The following PALLD variants were observed in gnomAD, a reference collection of about 807,000 sequenced individuals.
The protein encoded by PALLD is palladin, cytoskeletal associated protein.
Under a neutral mutation model 123.5 loss-of-function variants are expected in PALLD, and 61 were observed. The ratio of observed to expected loss-of-function variants is 0.49; its 90% confidence interval spans 0.40 to 0.61. PALLD has a LOEUF of 0.61. PALLD is among the 20% of genes least tolerant of loss of function. PALLD has a pLI of 0.00. For synonymous variants in PALLD, 465 were observed against 496.4 expected (o/e 0.94, Z 0.84); for missense variants, 1,273 against 1,377.0 (o/e 0.92, Z 1.20).
chr4:168,828,519 A>G (rs142496166), intron 10 of PALLD, among the ~76,000 whole-genome samples: 2 of 152,332 alleles, frequency 1.3e-5, no homozygotes, highest in Middle Eastern at 3.4e-3. Flanking sequence ...TGATAAATAG[A>G]TAGATCTGTG....
At chr4:168,813,665 G>A (rs935028219) in intron 10 of PALLD, among the ~76,000 whole-genome samples, 2 of 152,120 alleles carry the variant, frequency 1.3e-5, no homozygotes, top group African/African-American at 4.8e-5. Flanking sequence ...TCACTGTGTT[G>A]CCCAGACTGG....
At position 168,538,558 on chromosome 4, in the gene PALLD, A is replaced by G. The variant is rs951264129; in HGVS notation, c.908+26146A>G. 7.9e-5 allele frequency among the ~76,000 whole-genome samples: 12 copies of G among 152,164 alleles called. 1 individual carries two copies. The highest frequency in any genetic ancestry group is 2.9e-4 in the African/African-American group (12 of 41,456). ...TTTCAAATGACCTTATGATTCAGTT[A>G]TTATACCTGCGCTCATTCTGTGACA... is the stretch of plus-strand genomic sequence containing the variant. On this transcript the variant is annotated intron_variant, in intron 2 of 21. Transcript: ENST00000505667.
intron 10 of PALLD, among the ~76,000 whole-genome samples, chr4:168,889,379 G>T (rs1011452616): frequency 6.6e-6 from 1 of 151,754 alleles, no homozygotes; most frequent in African/African-American, 2.4e-5. Context: ...GGCCAAGCTG[G>T]TCTCCAACTC....
At chr4:168,646,702 C>A (rs2068728468) in intron 2 of PALLD, among the ~76,000 whole-genome samples, 1 of 152,138 alleles carries the variant, frequency 6.6e-6, no homozygotes, top group South Asian at 2.1e-4. Context: ...TCTATGGCTC[C>A]AAGCAATGAT....
At chr4:168,602,778 G>A (rs1054928358) in intron 2 of PALLD, among the ~76,000 whole-genome samples, 4 of 152,034 alleles carry the variant, frequency 2.6e-5, no homozygotes, top group African/African-American at 9.7e-5. Flanking sequence ...TATATACAGA[G>A]AGAAAAAGAC....
chr4:168,638,868 C>G (rs529879506), intron 2 of PALLD, among the ~76,000 whole-genome samples: 1 of 152,260 alleles, frequency 6.6e-6, no homozygotes, highest in East Asian at 1.9e-4. Flanking sequence ...AATCAGCTTA[C>G]CCCGATTCAC....
At position 168,681,365 on chromosome 4, in the gene PALLD, T is replaced by G; in HGVS notation, c.1121T>G (p.Leu374Ter). The change falls in exon 4 of 22, where the codon TTA becomes TGA. Residue 374 changes from leucine (L) to a stop codon, truncating the protein, a stop_gained. Coordinates refer to ENST00000505667, the MANE Select transcript of PALLD (RefSeq NM_001166108.2). LOFTEE classifies it high-confidence loss of function. ...TCAACAGATTCTGACAGTGAAAGTT[T>G]AGCTTTCAAATCAAGAGCTGGAGCT... Reference protein sequence around the residue: ...ASSTDSDSESLAFKSRAGAMP... With the variant: ...ASSTDSDSES The G allele has an allele frequency of 6.2e-7, 1 of 1,609,636 alleles. No homozygotes were observed. The highest frequency in any genetic ancestry group is 8.5e-7 in the Non-Finnish European group (1 of 1,176,084).
At chr4:168,645,097 CAA>C (rs58366362) in intron 2 of PALLD, among the ~76,000 whole-genome samples, 8,328 of 117,026 alleles carry the variant, frequency 0.071, 311 homozygotes, top group Non-Finnish European at 0.11. Context: ...GACACAGTCT[CAA>C]AAAAAAAAAA....
chr4:168,676,383 A>G (rs1780832135), intron 3 of PALLD, among the ~76,000 whole-genome samples: 1 of 152,034 alleles, frequency 6.6e-6, no homozygotes, highest in South Asian at 2.1e-4. Context: ...GAAAAGAAGT[A>G]AATAATAGAA....
intron 3 of PALLD, among the ~76,000 whole-genome samples, chr4:168,670,775 CAAA>C (rs112589264): frequency 2.0e-5 from 2 of 100,214 alleles, no homozygotes; most frequent in Admixed American, 1.0e-4. Context: ...CAAAAAAAAA[CAAA>C]AAAAAAAAAA....
chr4:168,815,578 T>A (rs10012149), intron 10 of PALLD, among the ~76,000 whole-genome samples: 99,491 of 152,038 alleles, frequency 0.65, 32,849 homozygotes, highest in Non-Finnish European at 0.71. Context: ...AACACAAATA[T>A]GCAAAATCGA....
Position 168,511,748 on chromosome 4 carries a change from A to G in PALLD, c.244A>G (p.Lys82Glu). Residue 82 changes from lysine (K) to glutamate (E), a missense_variant, in exon 2 of 22, where the codon AAG becomes GAG. Physicochemically the swap from Lys to Glu is moderately conservative, Grantham distance 56. Coordinates refer to ENST00000505667, the MANE Select transcript of PALLD (RefSeq NM_001166108.2). ...PASLCEHPSH[K>E]ETKLGEHASR... ...AAGCCTCTGTGAACATCCTTCCCAT[A>G]AGGAGACCAAATTGGGTGAACACGC... is the stretch of plus-strand genomic sequence containing the variant. 1.2e-6 allele frequency: 2 copies of G among 1,614,182 alleles called. No individual in the cohort carries two copies. Among genetic ancestry groups the G allele is most frequent in the Non-Finnish European group, 8.5e-7 (1 of 1,180,030 alleles).
intron 2 of PALLD, among the ~76,000 whole-genome samples, chr4:168,536,894 C>T (rs1200220060): frequency 2.0e-5 from 3 of 150,676 alleles, no homozygotes; most frequent in Non-Finnish European, 2.9e-5. Context: ...GTGGCGCGAT[C>T]TCGGCTCACT....
rs1161685407 is a variant in PALLD at position 168,906,846 on chromosome 4, C to CA, written c.2622+2948dup. Among the ~76,000 whole-genome samples, 16 of 149,790 alleles carry CA rather than the reference C, an allele frequency of 1.1e-4. No individual in the cohort carries two copies. In the East Asian group the frequency reaches 1.2e-3, roughly 11 times the overall value. The stretch of plus-strand genomic sequence containing the variant: ...TTACCCAAAGCCCAATATATAATGC[C>CA]AAAAAAAAGAAACCCTTGTTAACAT... On this transcript the variant is annotated intron_variant, in intron 15 of 21. Coordinates refer to ENST00000505667, the MANE Select transcript of PALLD (RefSeq NM_001166108.2).
chr4:168,571,378 C>A (rs910281145), intron 2 of PALLD, among the ~76,000 whole-genome samples: 1 of 152,134 alleles, frequency 6.6e-6, no homozygotes, highest in African/African-American at 2.4e-5. Flanking sequence ...TCCAAGTTAT[C>A]AATCAAATTT....
chr4:168,588,801 GGTTT>G (rs1771109022), intron 2 of PALLD, among the ~76,000 whole-genome samples: 2 of 152,202 alleles, frequency 1.3e-5, no homozygotes, highest in South Asian at 2.1e-4. Flanking sequence ...AGAGCAAAAT[GGTTT>G]GTTTAAAAAA....
chr4:168,774,592 G>A (rs979144822), intron 10 of PALLD, among the ~76,000 whole-genome samples: 7 of 151,888 alleles, frequency 4.6e-5, no homozygotes, highest in Admixed American at 2.6e-4. Flanking sequence ...GCCGAGTGTG[G>A]CGGTGCACAC....
intron 10 of PALLD, among the ~76,000 whole-genome samples, chr4:168,876,335 CAG>C (rs1751745758): frequency 6.6e-6 from 1 of 152,218 alleles, no homozygotes; most frequent in Non-Finnish European, 1.5e-5. Context: ...CCAAACCACA[CAG>C]ACATCTGGAA....
intron 21 of PALLD, among the ~76,000 whole-genome samples, 176 bp from the exon 22 acceptor site, chr4:168,926,037 G>GTAAATCTGCAACA (rs1230738492): frequency 2.0e-5 from 3 of 152,098 alleles, no homozygotes; most frequent in Non-Finnish European, 4.4e-5. Flanking sequence ...TGTATAGACA[G>GTAAATCTGCAACA]TAAATCTGCA....
Sources: allele counts gnomAD v4.1 joint callset (sites outside exome capture counted in the v4.1 genomes callset), GRCh38; gene constraint gnomAD v4.1.1; transcripts MANE v1.5; gene names NCBI Gene and HGNC (gene_info 2026-07-23, HGNC 2026-07-21).